Variants in MAML3 observed in about 807,000 individuals in gnomAD.
MAML3 encodes mastermind like transcriptional coactivator 3, also known as mastermind-like protein 3.
Under a neutral mutation model 101.9 loss-of-function variants are expected in MAML3, and 27 were observed. The observed-to-expected ratio is 0.27, with a 90% CI of 0.20 to 0.37. MAML3 has a LOEUF of 0.37. Ranked by LOEUF, MAML3 falls within the 10% of genes least tolerant of loss-of-function variation. The pLI is 1.00. For missense variants in MAML3, 1,316 were observed against 1,444.9 expected (o/e 0.91, Z 1.45); for synonymous variants, 501 against 555.9 (o/e 0.90, Z 1.39).
intron 1 of MAML3, among the ~76,000 whole-genome samples, chr4:140,032,694 A>G (rs1726926650): frequency 6.6e-6 from 1 of 152,160 alleles, no homozygotes; most frequent in Non-Finnish European, 1.5e-5. Flanking sequence ...CAAAAACTTA[A>G]TATTTGAACC....
chr4:140,010,174 A>G (rs1053551723), intron 1 of MAML3, among the ~76,000 whole-genome samples: 1 of 152,238 alleles, frequency 6.6e-6, no homozygotes, highest in African/African-American at 2.4e-5. Context: ...GCTTCACTTA[A>G]AAAAATTAAT....
chr4:139,773,023 G>A (rs1730026771), intron 2 of MAML3, among the ~76,000 whole-genome samples: 1 of 151,808 alleles, frequency 6.6e-6, no homozygotes, highest in African/African-American at 2.4e-5. Flanking sequence ...AAGAAAATCA[G>A]CTTTAATATA....
At chr4:140,011,852 C>T (rs1726569817) in intron 1 of MAML3, among the ~76,000 whole-genome samples, 1 of 151,996 alleles carries the variant, frequency 6.6e-6, no homozygotes, top group African/African-American at 2.4e-5. Context: ...ATATTTAATC[C>T]ACTTTAAACA....
chr4:140,033,493 G>A (rs1726938766), intron 1 of MAML3, among the ~76,000 whole-genome samples: 2 of 152,142 alleles, frequency 1.3e-5, no homozygotes, highest in South Asian at 4.1e-4. Context: ...CAGAAGGAAA[G>A]GCTGGGCAGG....
intron 1 of MAML3, among the ~76,000 whole-genome samples, chr4:139,894,018 T>C (rs1732555716): frequency 6.6e-6 from 1 of 152,160 alleles, no homozygotes; most frequent in African/African-American, 2.4e-5. Flanking sequence ...TCTCTTATTC[T>C]TGGCAAGGTG....
At chr4:139,813,548 C>G (rs1730840384) in intron 2 of MAML3, among the ~76,000 whole-genome samples, 1 of 152,348 alleles carries the variant, frequency 6.6e-6, no homozygotes, top group South Asian at 2.1e-4. Flanking sequence ...CTAGAATCCT[C>G]TATTTGGTCA....
chr4:139,885,158 T>C (rs1732302556), intron 2 of MAML3, among the ~76,000 whole-genome samples: 2 of 152,058 alleles, frequency 1.3e-5, no homozygotes, highest in African/African-American at 2.4e-5. Flanking sequence ...CCCAGCACTA[T>C]GGGAAGCCAA....
chr4:139,815,211 T>A (rs546398840), intron 2 of MAML3, among the ~76,000 whole-genome samples: 42 of 152,336 alleles, frequency 2.8e-4, no homozygotes, highest in African/African-American at 9.9e-4. Context: ...ACATGGATGG[T>A]TTGTAAATTC....
At chr4:139,882,354 C>T (rs1480151471) in intron 2 of MAML3, among the ~76,000 whole-genome samples, 2 of 148,676 alleles carry the variant, frequency 1.3e-5, no homozygotes, top group African/African-American at 2.5e-5. Flanking sequence ...GTACTAGATA[C>T]AGTGAATGAA....
At chr4:140,120,224 G>C (rs1300104077) in intron 1 of MAML3, among the ~76,000 whole-genome samples, 2 of 128,278 alleles carry the variant, frequency 1.6e-5, no homozygotes, top group Non-Finnish European at 3.2e-5. Context: ...GCGACAGAGC[G>C]AGACTCCGTC....
At chr4:139,952,387 G>T (rs963826303) in intron 1 of MAML3, among the ~76,000 whole-genome samples, 1 of 152,102 alleles carries the variant, frequency 6.6e-6, no homozygotes, top group Non-Finnish European at 1.5e-5. Flanking sequence ...GGGACCTGGG[G>T]TTACACATGA....
chr4:139,828,635 A>G (rs1459357601), intron 2 of MAML3, among the ~76,000 whole-genome samples: 2 of 152,178 alleles, frequency 1.3e-5, no homozygotes, highest in Non-Finnish European at 2.9e-5. Flanking sequence ...AAATGTTGCA[A>G]TGACAGTGTG....
At chr4:139,745,274 G>A (rs904252661) in intron 2 of MAML3, among the ~76,000 whole-genome samples, 7 of 140,876 alleles carry the variant, frequency 5.0e-5, no homozygotes, top group Non-Finnish European at 9.3e-5. Flanking sequence ...AGATCCAGCC[G>A]ACTCGACCAC....
At chr4:140,035,034 A>T (rs1017159184) in intron 1 of MAML3, among the ~76,000 whole-genome samples, 2 of 152,162 alleles carry the variant, frequency 1.3e-5, no homozygotes, top group African/African-American at 4.8e-5. Flanking sequence ...CAGTAGCATG[A>T]TCTCGGCTCA....
chr4:139,992,217 C>T (rs938373013), intron 1 of MAML3, among the ~76,000 whole-genome samples: 5 of 152,170 alleles, frequency 3.3e-5, no homozygotes, highest in African/African-American at 1.2e-4. Flanking sequence ...CATCATATGG[C>T]TGTATCATAT....
intron 1 of MAML3, among the ~76,000 whole-genome samples, chr4:140,028,244 G>T (rs1166853889): frequency 6.6e-6 from 1 of 152,186 alleles, no homozygotes; most frequent in African/African-American, 2.4e-5. Flanking sequence ...GCAGGAAGAA[G>T]AGAGAAAGCA....
At chr4:139,843,617 G>C (rs138092862) in intron 2 of MAML3, among the ~76,000 whole-genome samples, 22 of 152,246 alleles carry the variant, frequency 1.4e-4, no homozygotes, top group African/African-American at 5.3e-4. Flanking sequence ...AAAATTTATA[G>C]GATTACCTGT....
chr4:140,053,027 G>A (rs1175443480), intron 1 of MAML3, among the ~76,000 whole-genome samples: 1 of 151,980 alleles, frequency 6.6e-6, no homozygotes, highest in East Asian at 1.9e-4. Context: ...GCACTTATGA[G>A]GTATATAGAG....
chr4:139,966,184 G>A (rs1734127170), intron 1 of MAML3, among the ~76,000 whole-genome samples: 1 of 152,062 alleles, frequency 6.6e-6, no homozygotes, highest in African/African-American at 2.4e-5. Context: ...CTTCCTGCTT[G>A]CTTTCATTGT....
Sources: gnomAD v4.1 joint callset for allele counts (sites outside exome capture counted in the v4.1 genomes callset) on GRCh38, gnomAD v4.1.1 for gene constraint, MANE v1.5 for transcripts, NCBI Gene and HGNC (gene_info 2026-07-23, HGNC 2026-07-21) for gene names.